TMEM35A: variants seen among roughly 807,000 people sequenced by gnomAD.
TMEM35A encodes nicotinic acetylcholine receptor chaperone.
For synonymous variants in TMEM35A, 50 were observed against 54.7 expected (o/e 0.91, Z 0.38); for missense variants, 83 against 132.7 (o/e 0.63, Z 1.84).
rs772744885 is a variant in TMEM35A, at chrX:101,079,214, C to T, written c.120+92C>T. 25 of 1,056,839 alleles carry T rather than the reference C, an allele frequency of 2.4e-5. No individual in the cohort carries two copies. In the South Asian group the frequency reaches 4.7e-4, roughly 20 times the overall value. The allele number at this position is 1,056,839 out of a possible 1,213,427, so 87.1% of individuals were successfully genotyped here. Reference sequence around the variant, plus strand: ...TCCTTCTCAGTTTCTGGTCCCACCCCCTTAGCCCCTATCCCCACCTGGACC... The same window carrying T: ...TCCTTCTCAGTTTCTGGTCCCACCCTCTTAGCCCCTATCCCCACCTGGACC... On this transcript the variant is annotated intron_variant, in intron 1 of 1. Coordinates refer to ENST00000372930, the MANE Select transcript of TMEM35A (RefSeq NM_021637.3).
chrX:101,081,372 C>G (rs763300265), intron 1 of TMEM35A: 1 of 112,641 alleles, frequency 8.9e-6, no homozygotes, highest in African/African-American at 3.2e-5. Context: ...GCTTTATTCT[C>G]GTTCCCATAG....
chrX:101,085,633 T>C (rs1180552990), intron 1 of TMEM35A, among the ~76,000 whole-genome samples: 2 of 107,378 alleles, frequency 1.9e-5, no homozygotes, highest in South Asian at 4.0e-4. Flanking sequence ...TTAAAAAAAT[T>C]AAAAGGCTCC....
intron 1 of TMEM35A, among the ~76,000 whole-genome samples, chrX:101,090,389 A>G (rs1235358852): frequency 8.5e-5 from 9 of 106,187 alleles, no homozygotes; most frequent in Admixed American, 8.1e-4. Context: ...GCTGGTCTCA[A>G]ACTCCTGGCC....
chrX:101,089,953 G>A (rs373048583), intron 1 of TMEM35A, among the ~76,000 whole-genome samples: 4 of 111,265 alleles, frequency 3.6e-5, no homozygotes, highest in African/African-American at 1.3e-4. Context: ...AATCTAGAGT[G>A]TGTGAACACT....
intron 1 of TMEM35A, among the ~76,000 whole-genome samples, chrX:101,083,999 A>G (rs1472310407): frequency 9.1e-6 from 1 of 109,509 alleles, no homozygotes; most frequent in Admixed American, 9.9e-5. Flanking sequence ...GACCAGGCTG[A>G]CCAACATGGA....
intron 1 of TMEM35A, among the ~76,000 whole-genome samples, chrX:101,093,639 G>A (rs1238667005): frequency 8.9e-6 from 1 of 112,201 alleles, no homozygotes; most frequent in Non-Finnish European, 1.9e-5. Context: ...TGCTATTTAT[G>A]ATTTATAATC....
intron 1 of TMEM35A, among the ~76,000 whole-genome samples, chrX:101,081,317 G>T (rs902947568): frequency 8.0e-5 from 9 of 112,535 alleles, no homozygotes; most frequent in African/African-American, 2.9e-4. Context: ...ACTGGAGATT[G>T]CTCTCTGGCA....
At chrX:101,083,890 T>G (rs1180280860) in intron 1 of TMEM35A, among the ~76,000 whole-genome samples, 1 of 110,963 alleles carries the variant, frequency 9.0e-6, no homozygotes. Context: ...AGATGCAATC[T>G]GGGAAGGGTC....
intron 1 of TMEM35A, among the ~76,000 whole-genome samples, chrX:101,087,845 T>C (rs1210637023): frequency 1.8e-5 from 2 of 110,790 alleles, no homozygotes; most frequent in Non-Finnish European, 1.9e-5. Flanking sequence ...GAAGTGTCTC[T>C]ACTAAAAATA....
chrX:101,079,001 C>T lies in TMEM35A; in HGVS notation c.-2C>T. 1 of 1,211,410 alleles carries T rather than the reference C, an allele frequency of 8.3e-7. No homozygotes were observed. The highest frequency in any genetic ancestry group is 1.1e-6 in the Non-Finnish European group (1 of 895,362). On this transcript the variant is annotated 5_prime_UTR_variant, in exon 1 of 2. Coordinates refer to ENST00000372930, the MANE Select transcript of TMEM35A (RefSeq NM_021637.3). The stretch of plus-strand genomic sequence containing the variant: ...TTAGTTGGGACCTGCCTTGGCGACC[C>T]CATGGCATCCCCCAGAACCGTAACT...
intron 1 of TMEM35A, chrX:101,081,746 G>T (rs1234417483): frequency 8.9e-6 from 1 of 112,132 alleles, no homozygotes; most frequent in Admixed American, 9.5e-5. Context: ...TGCTGCTGTT[G>T]TTGTTTTAAG....
At chrX:101,092,711 A>C (rs1402788176) in intron 1 of TMEM35A, among the ~76,000 whole-genome samples, 3 of 108,923 alleles carry the variant, frequency 2.8e-5, no homozygotes, top group African/African-American at 1.0e-4. Flanking sequence ...AATACAAAAA[A>C]AAAAAAAAAT....
At chrX:101,087,230 A>G (rs1222706709) in intron 1 of TMEM35A, among the ~76,000 whole-genome samples, 1 of 112,153 alleles carries the variant, frequency 8.9e-6, no homozygotes, top group East Asian at 2.8e-4. Flanking sequence ...TGCTGGGATG[A>G]CAGGCGTGAG....
At chrX:101,082,918 T>C (rs1332968946) in intron 1 of TMEM35A, among the ~76,000 whole-genome samples, 1 of 111,542 alleles carries the variant, frequency 9.0e-6, no homozygotes, top group Non-Finnish European at 1.9e-5. Flanking sequence ...GTGCTGGGAT[T>C]ACAGGTGTGA....
chrX:101,080,284 T>C (rs1028680527), intron 1 of TMEM35A, among the ~76,000 whole-genome samples: 1 of 111,651 alleles, frequency 9.0e-6, no homozygotes, highest in African/African-American at 3.3e-5. Context: ...CTGAACCCAC[T>C]GCAGAGCTTT....
chrX:101,090,710 A>G (rs754751950), intron 1 of TMEM35A, among the ~76,000 whole-genome samples: 2 of 110,919 alleles, frequency 1.8e-5, no homozygotes, highest in East Asian at 5.6e-4. Flanking sequence ...TCTGATATAT[A>G]CCCATACTTA....
At chrX:101,093,975 T>C (rs2089331551) in intron 1 of TMEM35A, among the ~76,000 whole-genome samples, 1 of 111,819 alleles carries the variant, frequency 8.9e-6, no homozygotes, top group African/African-American at 3.3e-5. Context: ...GACATAATCA[T>C]TTCCCAAAGC....
At chrX:101,086,988 C>T (rs1434749517) in intron 1 of TMEM35A, among the ~76,000 whole-genome samples, 2 of 92,396 alleles carry the variant, frequency 2.2e-5, no homozygotes, top group African/African-American at 8.2e-5. Context: ...AGGGGTTTCG[C>T]TCTTGTTGCA....
At chrX:101,090,864 T>A (rs1602745022) in intron 1 of TMEM35A, among the ~76,000 whole-genome samples, 1 of 94,892 alleles carries the variant, frequency 1.1e-5, no homozygotes, top group East Asian at 3.2e-4. Flanking sequence ...TGAGACGGAG[T>A]CTTGTTCTGT....
Sources: gnomAD v4.1 joint callset for allele counts (sites outside exome capture counted in the v4.1 genomes callset) on GRCh38, gnomAD v4.1.1 for gene constraint, MANE v1.5 for transcripts, NCBI Gene and HGNC (gene_info 2026-07-23, HGNC 2026-07-21) for gene names.